The following ST6GALNAC6 variants were observed in gnomAD, a reference collection of about 807,000 sequenced individuals.
ST6GALNAC6 encodes ST6 N-acetylgalactosaminide alpha-2,6-sialyltransferase 6.
In ST6GALNAC6, 19 loss-of-function variants were observed where a neutral mutation model predicts 34.3. The observed-to-expected ratio is 0.55, with a 90% CI of 0.39 to 0.81. The LOEUF (loss-of-function observed/expected upper bound fraction) is 0.81. Ranked by LOEUF, ST6GALNAC6 falls within the 40% of genes least tolerant of loss-of-function variation. The pLI is 0.00. For missense variants in ST6GALNAC6, 377 were observed against 467.7 expected, an observed-to-expected ratio of 0.81 and a Z score of 1.79; for synonymous variants, 185 against 182.1, an observed-to-expected ratio of 1.02 and a Z score of -0.13.
At chr9:127,905,055 C>T in intron 1 of ST6GALNAC6, 1 of 273,472 alleles carries the variant, frequency 3.7e-6, no homozygotes, top group Non-Finnish European at 5.6e-6. Flanking sequence ...CCCCGGCTTC[C>T]CCTCTGGGCT....
Position 127,894,707 on chromosome 9 carries a change from G to T in ST6GALNAC6, c.118-16C>A, listed in dbSNP as rs750107109. On this transcript the variant is annotated splice_polypyrimidine_tract_variant and intron_variant, in intron 3 of 6. Transcript: ENST00000373146. Reference sequence around the variant, plus strand: ...ACCGCTGCTCCTGGAGAGAGGAGAGGTCAGTGAGGGCCCAGCTGCCGGGCA... The same window carrying T: ...ACCGCTGCTCCTGGAGAGAGGAGAGTTCAGTGAGGGCCCAGCTGCCGGGCA... The T allele has an allele frequency of 3.7e-6, 6 of 1,606,810 alleles. No homozygotes were observed. The East Asian group carries it at 1.3e-4, about 36-fold the overall frequency.
intron 4 of ST6GALNAC6, among the ~76,000 whole-genome samples, chr9:127,894,052 G>A (rs771447543): frequency 6.6e-6 from 1 of 152,152 alleles, no homozygotes; most frequent in African/African-American, 2.4e-5. Flanking sequence ...ACCTCTCGGA[G>A]CCTTGGTTAC....
At chr9:127,903,293 G>C (rs1278672187), upstream of ST6GALNAC6, 1 of 151,968 alleles carries the variant, frequency 6.6e-6, no homozygotes, top group African/African-American at 2.4e-5. Context: ...CACCGCACCC[G>C]GCCTTTGCTT....
chr9:127,897,007 G>A (rs1830499953), intron 2 of ST6GALNAC6: 1 of 948,492 alleles, frequency 1.1e-6, no homozygotes, highest in Non-Finnish European at 1.3e-6. Context: ...TGAGAGGCTC[G>A]GTTCTAGTCC....
At position 127,897,945 on chromosome 9, in the gene ST6GALNAC6, T is replaced by G. The variant is rs369889525; in HGVS notation, c.26+11A>C. ...TCAGCTGCCAGTGCGAATCCCGGTT[T>G]CACCACTTACTGGCTGGGGGGCCTC... On this transcript the variant is annotated intron_variant, in intron 2 of 6. Coordinates refer to ENST00000373146, the MANE Select transcript of ST6GALNAC6 (RefSeq NM_013443.5). 29 of 1,612,902 alleles carry G rather than the reference T, an allele frequency of 1.8e-5. No homozygotes were observed. In the African/African-American group the frequency reaches 3.6e-4, roughly 20 times the overall value.
chr9:127,906,053 G>A, upstream of ST6GALNAC6: 1 of 984,042 alleles, frequency 1.0e-6, no homozygotes, highest in Non-Finnish European at 1.2e-6. Context: ...GAAACTTCTG[G>A]GTCCACCTGG....
rs770053356 is a variant in ST6GALNAC6, at chr9:127,890,988, A to G, written c.353T>C (p.Leu118Pro). The G allele has an allele frequency of 6.2e-7, 1 of 1,614,160 alleles. No individual in the cohort carries two copies. Among genetic ancestry groups the G allele is most frequent in the Non-Finnish European group, 8.5e-7 (1 of 1,180,026 alleles). ...CVIVSSSSHL[L>P]GTKLGPEIER... The stretch of plus-strand genomic sequence containing the variant: ...GATCTCAGGGCCCAGCTTGGTGCCC[A>G]GCAGGTGGCTGGAGCTGCTGACAAT... The change falls in exon 5 of 7, where the codon CTG becomes CCG. Residue 118 changes from leucine to proline, a missense_variant. Leu to Pro is a moderately conservative substitution (Grantham distance 98). Coordinates refer to ENST00000373146, the MANE Select transcript of ST6GALNAC6 (RefSeq NM_013443.5). The surrounding 1 kb of genome is among the most constrained non-coding windows in gnomAD (Gnocchi z 4.3).
chr9:127,898,887 G>T (rs1830626806), intron 1 of ST6GALNAC6, among the ~76,000 whole-genome samples: 1 of 152,072 alleles, frequency 6.6e-6, no homozygotes, highest in Non-Finnish European at 1.5e-5. Context: ...TTGGGGAGCG[G>T]CTTGCTCACG....
At chr9:127,902,217 G>T (rs1223520188), upstream of ST6GALNAC6, among the ~76,000 whole-genome samples, 2 of 152,104 alleles carry the variant, frequency 1.3e-5, no homozygotes, top group South Asian at 2.1e-4. Context: ...GGAGTGCAAC[G>T]GTTCAATCTC....
At chr9:127,893,559 A>G (rs778175069) in intron 4 of ST6GALNAC6, among the ~76,000 whole-genome samples, 1 of 152,238 alleles carries the variant, frequency 6.6e-6, no homozygotes, top group South Asian at 2.1e-4. Context: ...ATCCAGCAAC[A>G]CATCCCACGT....
At chr9:127,905,067 G>C (rs542618268) in intron 1 of ST6GALNAC6, 1 of 325,746 alleles carries the variant, frequency 3.1e-6, no homozygotes, top group African/African-American at 2.2e-5. Context: ...CTCTGGGCTT[G>C]GAGGAAGTAG....
upstream of ST6GALNAC6, chr9:127,899,680 G>C (rs1399237250): frequency 5.1e-6 from 5 of 984,042 alleles, no homozygotes; most frequent in African/African-American, 3.5e-5. Flanking sequence ...CGGAGCCTCG[G>C]GGCCGCGGGT....
chr9:127,898,110 A>G (rs1232926496), intron 1 of ST6GALNAC6, 100 bp from the exon 2 acceptor site: 3 of 709,508 alleles, frequency 4.2e-6, no homozygotes, highest in Non-Finnish European at 7.5e-6. Context: ...GTGCTCCCAC[A>G]TTGGCCGGGC....
At position 127,887,157 on chromosome 9, in the gene ST6GALNAC6, G is replaced by A. The variant is rs140801680; in HGVS notation, c.812+327C>T. 2.8e-3 allele frequency among the ~76,000 whole-genome samples: 426 copies of A among 152,184 alleles called. 1 individual carries two copies. Among genetic ancestry groups the A allele is most frequent in the African/African-American group, 9.0e-3 (374 of 41,514 alleles). On this transcript the variant is annotated intron_variant, in intron 6 of 6. Transcript: ENST00000373146. Reference sequence around the variant, plus strand: ...TGGGAAGAATAACAGTTCTTATCCCGTAAGGTTGCTGTGAGGAGTAAGTGA... The same window carrying A: ...TGGGAAGAATAACAGTTCTTATCCCATAAGGTTGCTGTGAGGAGTAAGTGA...
chr9:127,898,270 G>A (rs796672082), intron 1 of ST6GALNAC6, among the ~76,000 whole-genome samples: 35 of 152,306 alleles, frequency 2.3e-4, no homozygotes, highest in African/African-American at 8.2e-4. Flanking sequence ...GCGTGCGCCT[G>A]TTGTCCCAGC....
At chr9:127,900,204 G>A (rs1830699686), upstream of ST6GALNAC6, among the ~76,000 whole-genome samples, 1 of 152,232 alleles carries the variant, frequency 6.6e-6, no homozygotes, top group Admixed American at 6.5e-5. Context: ...AGTAGCCATT[G>A]CTAGGGGACT....
chr9:127,889,436 T>C (rs1830001278), intron 5 of ST6GALNAC6, among the ~76,000 whole-genome samples: 1 of 25,992 alleles, frequency 3.8e-5, no homozygotes, highest in Non-Finnish European at 8.8e-5. Context: ...TCAATTTCTC[T>C]TTTTTTTCTT....
intron 6 of ST6GALNAC6, 59 bp downstream of exon 6, chr9:127,887,425 C>A: frequency 6.9e-7 from 1 of 1,448,784 alleles, no homozygotes; most frequent in Non-Finnish European, 9.6e-7. Context: ...CCCTAGAGCT[C>A]CATCCTGCGG....
In ST6GALNAC6 at chr9:127,885,709, G is replaced by T. The variant is rs909854879; in HGVS notation, c.*890C>A. The T allele has an allele frequency of 3.3e-5, 5 of 152,220 alleles. No individual in the cohort carries two copies. The highest frequency in any genetic ancestry group is 3.3e-4 in the Admixed American group (5 of 15,288). 9.4% of individuals were successfully genotyped at this position (152,220 alleles called of 1,614,324 possible). On this transcript the variant is annotated 3_prime_UTR_variant, in exon 7 of 7. Transcript: ENST00000373146. The stretch of plus-strand genomic sequence containing the variant: ...AACCTCCCTGCTAGAGGGCAGAAAA[G>T]GAGGCCTGGCCCTTTAAGAGCCAAG...
Sources: gnomAD v4.1 joint callset for allele counts (sites outside exome capture counted in the v4.1 genomes callset) on GRCh38, gnomAD v4.1.1 for gene constraint, Gnocchi (gnomAD v3.1) non-coding constraint, MANE v1.5 for transcripts, NCBI Gene and HGNC (gene_info 2026-07-23, HGNC 2026-07-21) for gene names.